Variants in SLC26A11 observed in about 807,000 individuals in gnomAD.
The protein encoded by SLC26A11 is sodium-independent sulfate anion transporter.
In SLC26A11, 58 loss-of-function variants were observed where a neutral mutation model predicts 62.2. The ratio of observed to expected loss-of-function variants is 0.93; its 90% CI spans 0.76 to 1.16. SLC26A11 has a LOEUF of 1.16. SLC26A11 is among the 50% of genes most tolerant of loss of function. SLC26A11 has a pLI of 0.00. For missense variants in SLC26A11, 790 were observed against 794.3 expected (o/e 0.99, Z 0.06); for synonymous variants, 411 against 368.9 (o/e 1.11, Z -1.31).
At chr17:80,226,429 T>G (rs1363402949) in intron 6 of SLC26A11, among the ~76,000 whole-genome samples, 1 of 152,042 alleles carries the variant, frequency 6.6e-6, no homozygotes, top group East Asian at 1.9e-4. Flanking sequence ...GGCCGGACAC[T>G]GTGGCTCACA....
In SLC26A11 at chr17:80,247,075, A is replaced by T. The variant is rs1158686730; in HGVS notation, c.1294+426A>T. ...AGTTCCTTTTTTTTTTTTTATTATT[A>T]TTTTTATTTTTTTTTATTGATCATT... On this transcript the variant is annotated intron_variant, in intron 13 of 17. Coordinates refer to ENST00000361193, the MANE Select transcript of SLC26A11 (RefSeq NM_001166347.2). 8.2e-5 allele frequency among the ~76,000 whole-genome samples: 12 copies of T among 147,044 alleles called. No homozygotes were observed. The East Asian group carries it at 1.4e-3, about 17-fold the overall frequency.
intron 7 of SLC26A11, among the ~76,000 whole-genome samples, chr17:80,235,432 C>CT (rs1373219379): frequency 2.0e-5 from 3 of 152,152 alleles, no homozygotes; most frequent in African/African-American, 7.2e-5. Context: ...TCATGGTTCA[C>CT]TATAGCCTCA....
rs1031981022 is a variant in SLC26A11, at chr17:80,221,626, C to A, written c.66C>A (p.Ala22=). Residue 22 remains alanine (A), a synonymous_variant, in exon 3 of 18, where the codon GCC becomes GCA. Coordinates refer to ENST00000361193, the MANE Select transcript of SLC26A11 (RefSeq NM_001166347.2). ...CTGGCCCCGGGATGGCCCCGAGCGCCTGCTGCTGCTCCCCTGCGGCCCTGC... is the reference window on the plus strand; with the variant it reads ...CTGGCCCCGGGATGGCCCCGAGCGCATGCTGCTGCTCCCCTGCGGCCCTGC... ...RSSGPGMAPS[A]CCCSPAALQR... 6.2e-7 allele frequency: 1 copy of A among 1,610,810 alleles called. No individual in the cohort carries two copies. The highest frequency in any genetic ancestry group is 1.3e-5 in the African/African-American group (1 of 75,046).
Position 80,228,155 on chromosome 17 carries a change from CAG to C in SLC26A11, c.736+198_736+199del, listed in dbSNP as rs974385616. 2.0e-5 allele frequency among the ~76,000 whole-genome samples: 3 copies of C among 152,038 alleles called. No individual in the cohort carries two copies. The highest frequency in any genetic ancestry group is 2.9e-5 in the Non-Finnish European group (2 of 68,016). On this transcript the variant is annotated intron_variant, in intron 7 of 17. Coordinates refer to ENST00000361193, the MANE Select transcript of SLC26A11 (RefSeq NM_001166347.2). This position sits in a 1 kb window ranked among gnomAD's most constrained non-coding sequence, Gnocchi z 4.1. Reference sequence around the variant, plus strand: ...TTAATTAATTAATTATTTTTTGAGACAGAGTTTCGCTCTGTCGCCCAGGCTGG... The same window carrying C: ...TTAATTAATTAATTATTTTTTGAGACAGTTTCGCTCTGTCGCCCAGGCTGG...
intron 7 of SLC26A11, among the ~76,000 whole-genome samples, chr17:80,229,073 C>T (rs1218590501): frequency 3.9e-5 from 6 of 152,128 alleles, no homozygotes; most frequent in South Asian, 4.1e-4. Context: ...TTCTCAGAGC[C>T]GAGGGGACAG....
rs947437185 is a variant in SLC26A11, at chr17:80,228,388, C to T, written c.736+428C>T. 1.3e-5 allele frequency among the ~76,000 whole-genome samples: 2 copies of T among 152,200 alleles called. No individual in the cohort carries two copies. Among genetic ancestry groups the T allele is most frequent in the Non-Finnish European group, 1.5e-5 (1 of 68,028 alleles). ...CCTCGAGTGATCTGCCTGCCTCGGC[C>T]TCCCGAAGTGCTGGGATTACAGGCA... On this transcript the variant is annotated intron_variant, in intron 7 of 17. Coordinates refer to ENST00000361193, the MANE Select transcript of SLC26A11 (RefSeq NM_001166347.2). This position sits in a 1 kb window ranked among gnomAD's most constrained non-coding sequence, Gnocchi z 4.1.
Position 80,241,828 on chromosome 17 carries a change from C to G in SLC26A11, c.1036+7C>G, listed in dbSNP as rs766356885. 1.9e-6 allele frequency: 3 copies of G among 1,614,050 alleles called. No individual in the cohort carries two copies. In the Admixed American group the frequency reaches 5.0e-5, roughly 27 times the overall value. ...CAGGAGCTGCTGGCCATCGGTAAGA[C>G]CCCAGCCGCGGGAAGGAAGACACCA... On this transcript the variant is annotated splice_region_variant and intron_variant, in intron 10 of 17. Transcript: ENST00000361193.
intron 16 of SLC26A11, among the ~76,000 whole-genome samples, chr17:80,250,538 TA>T (rs1181345160): frequency 6.6e-6 from 1 of 152,218 alleles, no homozygotes; most frequent in Non-Finnish European, 1.5e-5. Flanking sequence ...ATGATTCACT[TA>T]AAAAAATACT....
intron 10 of SLC26A11, among the ~76,000 whole-genome samples, chr17:80,244,461 C>CT (rs780958011): frequency 6.6e-6 from 1 of 152,216 alleles, no homozygotes; most frequent in East Asian, 1.9e-4. Context: ...CTCTCACCCC[C>CT]TCCTGGGTGG....
rs1455350834 is a variant in SLC26A11, at chr17:80,225,847, G to A, written c.524G>A (p.Gly175Glu). ...TCTGTGTTTGGACAGAACCTGCTGGGACTACAGAACATCCCCAGGCCGTTC... is the reference window on the plus strand; with the variant it reads ...TCTGTGTTTGGACAGAACCTGCTGGAACTACAGAACATCCCCAGGCCGTTC... ...IGFGQIKNLLGLQNIPRPFFL... is the reference protein window; with the variant it reads ...IGFGQIKNLLELQNIPRPFFL... Residue 175 changes from glycine (G) to glutamate (E), a missense_variant, in exon 6 of 18, where the codon GGA becomes GAA. By Grantham distance (98) the Gly-to-Glu change is moderately conservative. Transcript: ENST00000361193. 4.3e-6 allele frequency: 7 copies of A among 1,613,772 alleles called. No homozygotes were observed. The highest frequency in any genetic ancestry group is 5.9e-6 in the Non-Finnish European group (7 of 1,179,898).
chr17:80,223,139 G>A lies in SLC26A11; in HGVS notation c.428-113G>A, dbSNP rs530573461. 13 of 979,586 alleles carry A rather than the reference G, an allele frequency of 1.3e-5. No individual in the cohort carries two copies. The highest frequency in any genetic ancestry group is 3.2e-5 in the African/African-American group (2 of 61,986). The allele number at this position is 979,586 out of a possible 1,614,324, so 60.7% of individuals were successfully genotyped here. The stretch of plus-strand genomic sequence containing the variant: ...TGTGTTACCCCCAGTCCTTAGCTGC[G>A]GTATCTGCTCCCCAATCCCACCCAT... On this transcript the variant is annotated intron_variant, in intron 4 of 17. Coordinates refer to ENST00000361193, the MANE Select transcript of SLC26A11 (RefSeq NM_001166347.2). The surrounding 1 kb of genome is among the most constrained non-coding windows in gnomAD (Gnocchi z 4.6).
rs61513466 is a variant in SLC26A11, at chr17:80,248,795, A to G, written c.1522+121A>G. 7.6e-3 allele frequency: 7,690 copies of G among 1,017,486 alleles called. 417 individuals carry two copies. In the African/African-American group the frequency reaches 0.11, roughly 14 times the overall value. 63.0% of individuals were successfully genotyped at this position (1,017,486 alleles called of 1,614,324 possible). Reference sequence around the variant, plus strand: ...CTCTCCAGTCCACAAGGATGCAGGCATCTCTGAGTGGGCTGGACCGTCCTC... The same window carrying G: ...CTCTCCAGTCCACAAGGATGCAGGCGTCTCTGAGTGGGCTGGACCGTCCTC... On this transcript the variant is annotated intron_variant, in intron 15 of 17. Coordinates refer to ENST00000361193, the MANE Select transcript of SLC26A11 (RefSeq NM_001166347.2).
chr17:80,226,855 G>C (rs1267193820), intron 6 of SLC26A11, among the ~76,000 whole-genome samples: 1 of 152,206 alleles, frequency 6.6e-6, no homozygotes, highest in Non-Finnish European at 1.5e-5. Flanking sequence ...TGGCTGCCCA[G>C]TGCTGTGGCC....
chr17:80,224,801 T>C (rs1482183434), intron 5 of SLC26A11, among the ~76,000 whole-genome samples: 5 of 152,088 alleles, frequency 3.3e-5, no homozygotes, highest in African/African-American at 4.8e-5. Flanking sequence ...CCCTTGTTCA[T>C]GCCTTCATAC....
At chr17:80,238,811 G>GGTTT (rs1555629117) in intron 9 of SLC26A11, among the ~76,000 whole-genome samples, 11 of 123,264 alleles carry the variant, frequency 8.9e-5, no homozygotes, top group African/African-American at 3.8e-4. Context: ...CTTCAAAGGA[G>GGTTT]TTTTTTTTGT....
At chr17:80,227,511 T>A (rs2042443792) in intron 6 of SLC26A11, among the ~76,000 whole-genome samples, 1 of 152,236 alleles carries the variant, frequency 6.6e-6, no homozygotes, top group Non-Finnish European at 1.5e-5. Context: ...GAATTTTGAA[T>A]TGAGTTTTGA....
chr17:80,236,841 A>T lies in SLC26A11; in HGVS notation c.737-87A>T, dbSNP rs1034546813. On this transcript the variant is annotated intron_variant, in intron 7 of 17. Coordinates refer to ENST00000361193, the MANE Select transcript of SLC26A11 (RefSeq NM_001166347.2). Reference sequence around the variant, plus strand: ...GGTGGGGGCGTCTCCTGCCTCTGGGATGTCTGCCCCAGTAACCTGGAGGCA... The same window carrying T: ...GGTGGGGGCGTCTCCTGCCTCTGGGTTGTCTGCCCCAGTAACCTGGAGGCA... 7.0e-6 allele frequency: 10 copies of T among 1,429,314 alleles called. No individual in the cohort carries two copies. In the African/African-American group the frequency reaches 1.4e-4, roughly 20 times the overall value. 88.5% of individuals were successfully genotyped at this position (1,429,314 alleles called of 1,614,324 possible).
chr17:80,249,960 T>C (rs1454741569), intron 16 of SLC26A11, among the ~76,000 whole-genome samples: 2 of 152,096 alleles, frequency 1.3e-5, no homozygotes, highest in African/African-American at 2.4e-5. Context: ...AAAAACGTAT[T>C]GTCAGGGCTT....
Position 80,249,179 on chromosome 17 carries a change from G to A in SLC26A11, c.1548G>A (p.Leu516=). The part of the protein sequence containing the change: ...LEVSPPRCLV[L]ECTHVCSIDY... Reference sequence around the variant, plus strand: ...TGTCCCCGCCACGCTGCCTGGTCCTGGAGTGCACCCATGTCTGCAGCATCG... The same window carrying A: ...TGTCCCCGCCACGCTGCCTGGTCCTAGAGTGCACCCATGTCTGCAGCATCG... The change falls in exon 16 of 18, where the codon CTG becomes CTA. Residue 516 remains leucine (L), a synonymous_variant. Coordinates refer to ENST00000361193, the MANE Select transcript of SLC26A11 (RefSeq NM_001166347.2). 1 of 1,609,536 alleles carries A rather than the reference G, an allele frequency of 6.2e-7. No individual in the cohort carries two copies. The highest frequency in any genetic ancestry group is 8.5e-7 in the Non-Finnish European group (1 of 1,179,894).
Sources: gnomAD v4.1 joint callset for allele counts (sites outside exome capture counted in the v4.1 genomes callset) on GRCh38, gnomAD v4.1.1 for gene constraint, Gnocchi (gnomAD v3.1) non-coding constraint, MANE v1.5 for transcripts, NCBI Gene and HGNC (gene_info 2026-07-23, HGNC 2026-07-21) for gene names.